LTBP1: variants seen among roughly 807,000 people sequenced by gnomAD.
LTBP1 encodes the protein latent transforming growth factor beta binding protein 1, also known as latent-transforming growth factor beta-binding protein 1.
LTBP1 carries 129 observed loss-of-function variants against 207.6 expected under a neutral mutation model. That is an observed-to-expected ratio of 0.62 (90% CI 0.54 to 0.72). The LOEUF (loss-of-function observed/expected upper bound fraction) is 0.72. LTBP1 is among the 30% of genes least tolerant of loss of function. The probability of loss-of-function intolerance (pLI) is 0.00; values close to 1 mark genes in which losing one functional copy is unlikely to be tolerated. For synonymous variants in LTBP1, 963 were observed against 833.7 expected, an observed-to-expected ratio of 1.16 and a Z score of -2.67; for missense variants, 2,281 against 2,217.2, an observed-to-expected ratio of 1.03 and a Z score of -0.58.
chr2:33,348,807 G>A (rs2094739607), intron 26 of LTBP1, among the ~76,000 whole-genome samples: 1 of 152,176 alleles, frequency 6.6e-6, no homozygotes, highest in Non-Finnish European at 1.5e-5. Flanking sequence ...TGTAGAGGAA[G>A]GGAGAGTGAG....
chr2:33,066,378 T>C (rs937194984), intron 3 of LTBP1, among the ~76,000 whole-genome samples: 1 of 152,224 alleles, frequency 6.6e-6, no homozygotes, highest in Non-Finnish European at 1.5e-5. Flanking sequence ...CCAAAAATCA[T>C]AGTTACCACA....
chr2:33,395,715 G>GAA lies in LTBP1; in HGVS notation c.4835-1404_4835-1403dup, dbSNP rs34496425. The stretch of plus-strand genomic sequence containing the variant: ...AAGTAAGTCTTTATTTCCTTGTTTA[G>GAA]AAAAAAAAAAAAAAAGCTGGCTAAG... On this transcript the variant is annotated intron_variant, in intron 32 of 33. Coordinates refer to ENST00000404816, the MANE Select transcript of LTBP1 (RefSeq NM_206943.4). 5.1e-3 allele frequency among the ~76,000 whole-genome samples: 722 copies of GAA among 141,746 alleles called. 5 individuals carry two copies. Among genetic ancestry groups the GAA allele is most frequent in the South Asian group, 0.016 (70 of 4,444 alleles). The allele number at this position is 141,746 out of a possible 152,430, so 93.0% of individuals were successfully genotyped here.
chr2:32,974,468 A>C (rs141474337), intron 2 of LTBP1, among the ~76,000 whole-genome samples: 1,553 of 152,220 alleles, frequency 0.01, 11 homozygotes, highest in Middle Eastern at 0.031. Flanking sequence ...TGAGCTCCTT[A>C]CATAGTCTTG....
intron 31 of LTBP1, among the ~76,000 whole-genome samples, chr2:33,368,614 C>T (rs959300577): frequency 8.5e-5 from 13 of 152,198 alleles, no homozygotes; most frequent in African/African-American, 2.2e-4. Context: ...CCATGGCTTA[C>T]GCCTGTAGTC....
At chr2:33,050,291 AG>A (rs2076664575) in intron 3 of LTBP1, among the ~76,000 whole-genome samples, 1 of 152,046 alleles carries the variant, frequency 6.6e-6, no homozygotes, top group Non-Finnish European at 1.5e-5. Context: ...TTCCAAGCCC[AG>A]GACTCTTAGA....
chr2:33,209,821 G>A (rs2090163266), intron 7 of LTBP1, among the ~76,000 whole-genome samples: 1 of 152,182 alleles, frequency 6.6e-6, no homozygotes, highest in African/African-American at 2.4e-5. Context: ...TACAAGCCCA[G>A]TGGGGCTTGG....
At chr2:33,394,108 T>C (rs2095339592) in intron 32 of LTBP1, among the ~76,000 whole-genome samples, 1 of 152,232 alleles carries the variant, frequency 6.6e-6, no homozygotes, top group Non-Finnish European at 1.5e-5. Context: ...AAGTGTCTGT[T>C]CATATCCTTC....
intron 3 of LTBP1, among the ~76,000 whole-genome samples, chr2:33,053,299 T>A: frequency 6.6e-6 from 1 of 152,192 alleles, no homozygotes; most frequent in East Asian, 1.9e-4. Flanking sequence ...TCTCCCATTG[T>A]CAACATCTAC....
At chr2:33,065,511 C>T (rs1265042662) in intron 3 of LTBP1, among the ~76,000 whole-genome samples, 2 of 152,088 alleles carry the variant, frequency 1.3e-5, no homozygotes, top group Non-Finnish European at 2.9e-5. Context: ...GATCATGTCA[C>T]TGCTCTACAT....
intron 3 of LTBP1, among the ~76,000 whole-genome samples, chr2:33,068,944 T>G (rs1332475920): frequency 1.3e-5 from 2 of 152,216 alleles, no homozygotes; most frequent in Non-Finnish European, 2.9e-5. Context: ...CTGATTCATA[T>G]CAATGTTTAA....
At chr2:33,247,148 C>G (rs2092540281) in intron 10 of LTBP1, among the ~76,000 whole-genome samples, 1 of 152,182 alleles carries the variant, frequency 6.6e-6, no homozygotes, top group Admixed American at 6.5e-5. Context: ...ATTCTTCACC[C>G]ATCAACTTGG....
chr2:33,315,367 A>G, intron 24 of LTBP1, 98 bp downstream of exon 24: 3 of 1,449,768 alleles, frequency 2.1e-6, no homozygotes, highest in East Asian at 2.3e-5. Context: ...GAGGTACTGC[A>G]TAATTCAGAG....
chr2:32,986,602 A>T (rs1683615939), intron 2 of LTBP1, among the ~76,000 whole-genome samples: 1 of 152,170 alleles, frequency 6.6e-6, no homozygotes, highest in African/African-American at 2.4e-5. Flanking sequence ...AAATTTCAAG[A>T]TGATGACAGC....
chr2:33,151,736 A>T (rs1208392408), intron 5 of LTBP1, among the ~76,000 whole-genome samples: 1 of 151,682 alleles, frequency 6.6e-6, no homozygotes, highest in Admixed American at 6.6e-5. Flanking sequence ...TTCCTGCGTC[A>T]CTTCACATAG....
chr2:33,048,192 C>G (rs967567881), intron 3 of LTBP1, among the ~76,000 whole-genome samples: 3 of 152,156 alleles, frequency 2.0e-5, no homozygotes, highest in Non-Finnish European at 2.9e-5. Context: ...AGGAGGATTT[C>G]AGGCAGTGAC....
At chr2:33,222,017 C>A in intron 8 of LTBP1, 63 bp from the exon 9 acceptor site, 1 of 1,186,366 alleles carries the variant, frequency 8.4e-7, no homozygotes, top group Non-Finnish European at 1.3e-6. Flanking sequence ...CTTCAGATAT[C>A]ACTTACACTA....
At chr2:33,082,145 C>G (rs1375568985) in intron 3 of LTBP1, among the ~76,000 whole-genome samples, 1 of 152,138 alleles carries the variant, frequency 6.6e-6, no homozygotes, top group Non-Finnish European at 1.5e-5. Flanking sequence ...GACACTATTG[C>G]AGGAGTGGGT....
At chr2:33,368,206 C>CA (rs1204068979) in intron 31 of LTBP1, among the ~76,000 whole-genome samples, 3,733 of 134,244 alleles carry the variant, frequency 0.028, 145 homozygotes, top group African/African-American at 0.095. Flanking sequence ...GACTCTGTCT[C>CA]AAAAAAAAAA....
chr2:33,058,424 A>T (rs987843936), intron 3 of LTBP1, among the ~76,000 whole-genome samples: 5 of 152,234 alleles, frequency 3.3e-5, no homozygotes, highest in Non-Finnish European at 7.3e-5. Context: ...GCCTAATCGA[A>T]GCCAGGACCA....
Sources: gnomAD v4.1 joint callset for allele counts (sites outside exome capture counted in the v4.1 genomes callset) on GRCh38, gnomAD v4.1.1 for gene constraint, MANE v1.5 for transcripts, NCBI Gene and HGNC (gene_info 2026-07-23, HGNC 2026-07-21) for gene names.